ADK: variants seen among roughly 807,000 people sequenced by gnomAD.
The protein encoded by ADK is adenosine kinase, also known as N6,N6-dimethyladenosine kinase.
ADK carries 24 observed loss-of-function variants against 44.7 expected under a neutral mutation model. The ratio of observed to expected loss-of-function variants is 0.54; its 90% CI spans 0.39 to 0.76. The LOEUF is 0.76. Among genes scored for constraint, ADK ranks in the 30% least tolerant of loss-of-function variants. The pLI, the probability that ADK is intolerant of heterozygous loss-of-function variation, is 0.00. For synonymous variants in ADK, 128 were observed against 142.6 expected (o/e 0.90, Z 0.73); for missense variants, 321 against 425.1 (o/e 0.76, Z 2.15).
intron 3 of ADK, among the ~76,000 whole-genome samples, chr10:74,273,279 T>C (rs2132416277): frequency 6.6e-6 from 1 of 152,248 alleles, no homozygotes; most frequent in East Asian, 1.9e-4. Context: ...GCAGCACTTA[T>C]CCTGCAATCA....
At chr10:74,317,331 G>T (rs1271498058) in intron 4 of ADK, among the ~76,000 whole-genome samples, 2 of 152,084 alleles carry the variant, frequency 1.3e-5, no homozygotes, top group Non-Finnish European at 2.9e-5. Flanking sequence ...GGTATAACTT[G>T]CTTAAGTTTG....
intron 3 of ADK, among the ~76,000 whole-genome samples, chr10:74,261,745 T>C (rs950607752): frequency 6.6e-6 from 1 of 152,188 alleles, no homozygotes; most frequent in Non-Finnish European, 1.5e-5. Flanking sequence ...GCTGATTCTT[T>C]ATATGTGACC....
chr10:74,203,951 C>CTTT lies in ADK; in HGVS notation c.140+3133_140+3135dup, dbSNP rs760810639. On this transcript the variant is annotated intron_variant, in intron 2 of 10. Transcript: ENST00000539909. ...AGAATGTCTTTCCATTTATTTAGGT[C>CTTT]TTTTTTTTTTTTTTTTTTTTTTGGA... Among the ~76,000 whole-genome samples the CTTT allele has an allele frequency of 5.2e-3, 502 of 95,724 alleles. 5 individuals carry two copies. The highest frequency in any genetic ancestry group is 0.012 in the Admixed American group (104 of 8,598). 62.8% of individuals were successfully genotyped at this position (95,724 alleles called of 152,430 possible). A position where few individuals can be genotyped will look rare whatever the true frequency, so the allele number is the denominator to read the frequency against.
At chr10:74,603,026 A>G (rs1023188835) in intron 9 of ADK, among the ~76,000 whole-genome samples, 2 of 152,166 alleles carry the variant, frequency 1.3e-5, no homozygotes, top group Non-Finnish European at 2.9e-5. Context: ...TAAGAACATA[A>G]AAATGCTTGG....
intron 7 of ADK, among the ~76,000 whole-genome samples, chr10:74,560,991 C>T (rs1465745190): frequency 6.6e-6 from 1 of 152,068 alleles, no homozygotes; most frequent in Non-Finnish European, 1.5e-5. Flanking sequence ...AATTGCTCAA[C>T]AATATGTAAA....
intron 6 of ADK, among the ~76,000 whole-genome samples, chr10:74,513,277 T>C (rs2133537033): frequency 6.6e-6 from 1 of 152,310 alleles, no homozygotes; most frequent in Admixed American, 6.5e-5. Context: ...ATTTAGTCTA[T>C]GGTGCAGTTT....
rs192211497 is a variant in ADK at position 74,608,226 on chromosome 10, C to A, written c.877+7733C>A. 1.2e-4 allele frequency among the ~76,000 whole-genome samples: 19 copies of A among 152,028 alleles called. No individual in the cohort carries two copies. In the East Asian group the frequency reaches 3.3e-3, roughly 26 times the overall value. On this transcript the variant is annotated intron_variant, in intron 9 of 10. Coordinates refer to ENST00000539909, the MANE Select transcript of ADK (RefSeq NM_006721.4). ...GTTATTACCCACCTTCTGAAGCCTA[C>A]TTCTGTCAATTTGTCAAACTAGTTC...
chr10:74,618,999 C>T lies in ADK; in HGVS notation c.877+18506C>T, dbSNP rs574033209. On this transcript the variant is annotated intron_variant, in intron 9 of 10. Coordinates refer to ENST00000539909, the MANE Select transcript of ADK (RefSeq NM_006721.4). ...AGGTCTTTTCATTGTATCCCATATG[C>T]CTTTTATGCTCTTTGTGTGTGTGTG... is the stretch of plus-strand genomic sequence containing the variant. 6.2e-5 allele frequency among the ~76,000 whole-genome samples: 8 copies of T among 129,126 alleles called. No homozygotes were observed. The East Asian group carries it at 1.7e-3, about 28-fold the overall frequency. 84.7% of individuals were successfully genotyped at this position (129,126 alleles called of 152,430 possible).
intron 6 of ADK, among the ~76,000 whole-genome samples, chr10:74,489,262 G>A (rs1301073146): frequency 2.0e-5 from 3 of 151,918 alleles, no homozygotes; most frequent in African/African-American, 4.8e-5. Context: ...GAAGGGAAAT[G>A]TCAGCCTCAC....
chr10:74,480,394 A>G (rs1448232684), intron 6 of ADK, among the ~76,000 whole-genome samples: 1 of 151,432 alleles, frequency 6.6e-6, no homozygotes, highest in African/African-American at 2.4e-5. Flanking sequence ...ATACCTGGCT[A>G]ATTTGTTGTT....
intron 1 of ADK, among the ~76,000 whole-genome samples, chr10:74,168,074 T>C (rs1186933710): frequency 6.6e-6 from 1 of 152,238 alleles, no homozygotes; most frequent in African/African-American, 2.4e-5. Context: ...TGAATAGCAC[T>C]TATGATCATT....
intron 1 of ADK, among the ~76,000 whole-genome samples, chr10:74,170,175 T>C (rs1842121428): frequency 6.6e-6 from 1 of 152,170 alleles, no homozygotes; most frequent in Non-Finnish European, 1.5e-5. Flanking sequence ...AGGGAAAACA[T>C]TCCACATTCA....
chr10:74,611,305 G>C (rs746940228), intron 9 of ADK, among the ~76,000 whole-genome samples: 2 of 152,012 alleles, frequency 1.3e-5, no homozygotes, highest in Non-Finnish European at 2.9e-5. Flanking sequence ...AAAATGCTAG[G>C]ATTACGGGTG....
chr10:74,577,814 T>C (rs138389236), intron 7 of ADK, among the ~76,000 whole-genome samples: 182 of 152,282 alleles, frequency 1.2e-3, no homozygotes, highest in African/African-American at 4.1e-3. Flanking sequence ...AGCTAAAAAC[T>C]AGCGCTCTCT....
At chr10:74,597,511 A>G (rs1851964491) in intron 8 of ADK, among the ~76,000 whole-genome samples, 1 of 152,166 alleles carries the variant, frequency 6.6e-6, no homozygotes, top group African/African-American at 2.4e-5. Flanking sequence ...AGTCTCTTCT[A>G]ATCTGTGACA....
At chr10:74,412,781 G>T (rs1364900188) in intron 6 of ADK, among the ~76,000 whole-genome samples, 5 of 152,120 alleles carry the variant, frequency 3.3e-5, no homozygotes, top group African/African-American at 1.2e-4. Context: ...ATACCAGCTG[G>T]GCACAGTGGC....
intron 3 of ADK, among the ~76,000 whole-genome samples, chr10:74,258,166 G>C (rs1845897259): frequency 6.6e-6 from 1 of 152,030 alleles, no homozygotes. Context: ...TTTTAGTGTA[G>C]TTTAGTGTTG....
At chr10:74,231,813 TGTAAG>T (rs527430148) in intron 3 of ADK, among the ~76,000 whole-genome samples, 17 of 152,278 alleles carry the variant, frequency 1.1e-4, no homozygotes, top group African/African-American at 3.6e-4. Context: ...TCATAATACT[TGTAAG>T]GTAACCTTTT....
chr10:74,156,698 T>C (rs1841758411), intron 1 of ADK, among the ~76,000 whole-genome samples: 3 of 152,210 alleles, frequency 2.0e-5, no homozygotes, highest in African/African-American at 7.2e-5. Context: ...AAGAGCATGG[T>C]CTCTGGCATC....
Sources: gnomAD v4.1 joint callset for allele counts (sites outside exome capture counted in the v4.1 genomes callset) on GRCh38, gnomAD v4.1.1 for gene constraint, MANE v1.5 for transcripts, NCBI Gene and HGNC (gene_info 2026-07-23, HGNC 2026-07-21) for gene names.